RBFOX1: variants seen among roughly 807,000 people sequenced by gnomAD.
RBFOX1 encodes RNA binding fox-1 homolog 1, also known as RNA binding protein fox-1 homolog 1.
Under a neutral mutation model 57.7 loss-of-function variants are expected in RBFOX1, and 8 were observed. That is an observed-to-expected ratio of 0.14 (90% CI 0.08 to 0.25). The LOEUF is 0.25. Among genes scored for constraint, RBFOX1 ranks in the 10% least tolerant of loss-of-function variants. The pLI, the probability that RBFOX1 is intolerant of heterozygous loss-of-function variation, is 1.00. For missense variants in RBFOX1, 611 were observed against 548.5 expected, an observed-to-expected ratio of 1.11 and a Z score of -1.14; for synonymous variants, 326 against 222.4, an observed-to-expected ratio of 1.47 and a Z score of -4.15.
chr16:7,442,341 G>C (rs2098774589), intron 4 of RBFOX1, among the ~76,000 whole-genome samples: 1 of 152,062 alleles, frequency 6.6e-6, no homozygotes, highest in Non-Finnish European at 1.5e-5. Flanking sequence ...GCCTTCCTTA[G>C]GCACACAAAG....
At chr16:5,497,935 C>G (rs1480689452) in intron 2 of RBFOX1, among the ~76,000 whole-genome samples, 1 of 152,046 alleles carries the variant, frequency 6.6e-6, no homozygotes, top group African/African-American at 2.4e-5. Flanking sequence ...TGAGGAAGAG[C>G]TTGCCATGGA....
chr16:6,989,829 A>C (rs758350136), intron 3 of RBFOX1, among the ~76,000 whole-genome samples: 2 of 151,950 alleles, frequency 1.3e-5, no homozygotes, highest in Admixed American at 1.3e-4. Flanking sequence ...GTGAAATTCC[A>C]TCTCTACTAA....
At chr16:6,215,032 T>G (rs1395504077) in intron 1 of RBFOX1, among the ~76,000 whole-genome samples, 68 of 52,488 alleles carry the variant, frequency 1.3e-3, no homozygotes, top group Admixed American at 2.6e-3. Context: ...TAAAAGGAAA[T>G]GGAGAGGGAG....
At chr16:7,403,007 C>G (rs1004826183) in intron 4 of RBFOX1, among the ~76,000 whole-genome samples, 3 of 152,214 alleles carry the variant, frequency 2.0e-5, no homozygotes, top group African/African-American at 4.8e-5. Flanking sequence ...GAACCTGGAA[C>G]TCCCCGTTCA....
chr16:7,607,417 T>G, intron 10 of RBFOX1, 79 bp downstream of exon 10: 1 of 1,335,846 alleles, frequency 7.5e-7, no homozygotes, highest in Non-Finnish European at 1.1e-6. Flanking sequence ...ATGAGTTTTG[T>G]AAAATAACCT....
intron 2 of RBFOX1, among the ~76,000 whole-genome samples, chr16:6,538,232 T>C (rs1416576871): frequency 6.6e-6 from 1 of 152,166 alleles, no homozygotes; most frequent in African/African-American, 2.4e-5. Context: ...GGCTCATACC[T>C]GTAATCCCAG....
chr16:6,877,071 C>G (rs934430758), intron 3 of RBFOX1, among the ~76,000 whole-genome samples: 13 of 152,174 alleles, frequency 8.5e-5, no homozygotes, highest in African/African-American at 2.2e-4. Flanking sequence ...TGCTTCATAA[C>G]TGGCCATTTA....
intron 1 of RBFOX1, among the ~76,000 whole-genome samples, chr16:5,431,831 C>T (rs1282209710): frequency 6.6e-6 from 1 of 152,138 alleles, no homozygotes; most frequent in Admixed American, 6.6e-5. Flanking sequence ...GCTGTTTGTC[C>T]CCCTAACATC....
intron 3 of RBFOX1, among the ~76,000 whole-genome samples, chr16:6,896,326 T>A (rs2066902687): frequency 6.6e-6 from 1 of 152,204 alleles, no homozygotes; most frequent in Non-Finnish European, 1.5e-5. Context: ...TTTTAGTTAT[T>A]TTTAAATATA....
chr16:6,040,357 C>G (rs949728790), intron 1 of RBFOX1, among the ~76,000 whole-genome samples: 1 of 152,182 alleles, frequency 6.6e-6, no homozygotes, highest in African/African-American at 2.4e-5. Context: ...AAAAGTAACT[C>G]CTCATTCCTT....
intron 5 of RBFOX1, among the ~76,000 whole-genome samples, chr16:7,531,802 T>A (rs2080146286): frequency 6.6e-6 from 1 of 152,154 alleles, no homozygotes; most frequent in African/African-American, 2.4e-5. Flanking sequence ...TATGATAATA[T>A]CATTACAGGC....
At chr16:6,734,333 C>G (rs1463940348) in intron 3 of RBFOX1, among the ~76,000 whole-genome samples, 2 of 152,198 alleles carry the variant, frequency 1.3e-5, no homozygotes, top group Non-Finnish European at 2.9e-5. Context: ...AGACTATCCT[C>G]TGGGCTCAGT....
intron 3 of RBFOX1, among the ~76,000 whole-genome samples, chr16:6,980,273 G>T (rs1290532181): frequency 1.3e-5 from 2 of 152,178 alleles, no homozygotes; most frequent in Admixed American, 1.3e-4. Flanking sequence ...TCAGGTGTGA[G>T]TGTGTGCGTT....
At chr16:6,628,977 C>T (rs2098347420) in intron 2 of RBFOX1, among the ~76,000 whole-genome samples, 1 of 152,110 alleles carries the variant, frequency 6.6e-6, no homozygotes, top group South Asian at 2.1e-4. Context: ...TTACAGTGAG[C>T]CGAGATTGCA....
intron 4 of RBFOX1, among the ~76,000 whole-genome samples, chr16:5,910,910 G>A (rs2058586640): frequency 6.6e-6 from 1 of 152,138 alleles, no homozygotes; most frequent in Non-Finnish European, 1.5e-5. Context: ...TCATCCTCTG[G>A]ATGGGATAAC....
rs960245888 is a variant in RBFOX1 at position 7,618,082 on chromosome 16, TC to T, written c.676+10746del. On this transcript the variant is annotated intron_variant, in intron 10 of 15. Coordinates refer to ENST00000550418, the MANE Select transcript of RBFOX1 (RefSeq NM_018723.4). ...ATTTCTGAGCCAAGTTGACGTTTTT[TC>T]CAAAGGCTAAGGTATATTGATCTGT... Among the ~76,000 whole-genome samples, 207 of 152,270 alleles carry T rather than the reference TC, an allele frequency of 1.4e-3. 1 individual carries two copies. The highest frequency in any genetic ancestry group is 4.8e-3 in the African/African-American group (200 of 41,560).
At chr16:6,678,612 C>A (rs1192703740) in intron 3 of RBFOX1, among the ~76,000 whole-genome samples, 1 of 150,958 alleles carries the variant, frequency 6.6e-6, no homozygotes. Context: ...GGATTGCATA[C>A]TAGATTTTTC....
intron 1 of RBFOX1, among the ~76,000 whole-genome samples, chr16:5,371,745 C>T (rs2065861596): frequency 6.6e-6 from 1 of 152,200 alleles, no homozygotes; most frequent in South Asian, 2.1e-4. Flanking sequence ...ACCGGCATTT[C>T]CGGAGATGGT....
At chr16:7,371,790 A>G (rs1047791548) in intron 4 of RBFOX1, among the ~76,000 whole-genome samples, 1 of 152,214 alleles carries the variant, frequency 6.6e-6, no homozygotes, top group African/African-American at 2.4e-5. Flanking sequence ...TGATACATAC[A>G]TGTGCATACA....
Sources: gnomAD v4.1 joint callset for allele counts (sites outside exome capture counted in the v4.1 genomes callset) on GRCh38, gnomAD v4.1.1 for gene constraint, MANE v1.5 for transcripts, NCBI Gene and HGNC (gene_info 2026-07-23, HGNC 2026-07-21) for gene names.